MEGF6: variants seen among roughly 807,000 people sequenced by gnomAD.
The protein encoded by MEGF6 is multiple epidermal growth factor-like domains protein 6.
Under a neutral mutation model 207.1 loss-of-function variants are expected in MEGF6, and 184 were observed. The ratio of observed to expected loss-of-function variants is 0.89; its 90% CI spans 0.79 to 1.00. MEGF6 has a LOEUF of 1.00. Ranked by LOEUF, MEGF6 falls within the 50% of genes least tolerant of loss-of-function variation. The probability of loss-of-function intolerance (pLI) is 0.00; values close to 1 mark genes in which losing one functional copy is unlikely to be tolerated. For synonymous variants in MEGF6, 1,038 were observed against 910.0 expected (o/e 1.14, Z -2.53); for missense variants, 2,282 against 2,202.9 (o/e 1.04, Z -0.72).
chr1:3,507,000 G>A (rs1641144017), intron 14 of MEGF6, among the ~76,000 whole-genome samples: 1 of 152,230 alleles, frequency 6.6e-6, no homozygotes, highest in Non-Finnish European at 1.5e-5. Flanking sequence ...CAGCACCCAG[G>A]AATGAATACG....
upstream of MEGF6, among the ~76,000 whole-genome samples, chr1:3,612,024 C>T (rs576056451): frequency 6.6e-5 from 10 of 152,304 alleles, no homozygotes; most frequent in South Asian, 2.1e-3. Flanking sequence ...CCCGTGGACG[C>T]TCCGTCCACC....
rs532518440 is a variant in MEGF6 at position 3,493,745 on chromosome 1, C to T, written c.4387+26G>A. ...ACTGATGGAGACCCACACCCACGCCCTTCCTGGGCAGGACCCCAGACTCAC... is the reference window on the plus strand; with the variant it reads ...ACTGATGGAGACCCACACCCACGCCTTTCCTGGGCAGGACCCCAGACTCAC... On this transcript the variant is annotated intron_variant, in intron 34 of 36. Coordinates refer to ENST00000356575, the MANE Select transcript of MEGF6 (RefSeq NM_001409.4). The T allele has an allele frequency of 8.3e-5, 134 of 1,606,260 alleles. No individual in the cohort carries two copies. In the East Asian group the frequency reaches 2.5e-3, roughly 30 times the overall value.
rs143366201 is a variant in MEGF6 at position 3,488,008 on chromosome 1, C to T, written c.*2520G>A. ...ATTGACAATAATTGTAGATATTCAT[C>T]GGATACACAGTGATGTTTTGATACA... On this transcript the variant is annotated 3_prime_UTR_variant, in exon 37 of 37. Coordinates refer to ENST00000356575, the MANE Select transcript of MEGF6 (RefSeq NM_001409.4). 3.5e-4 allele frequency among the ~76,000 whole-genome samples: 54 copies of T among 152,258 alleles called. 1 individual carries two copies. The highest frequency in any genetic ancestry group is 1.1e-3 in the African/African-American group (46 of 41,528).
Position 3,509,193 on chromosome 1 carries a change from G to T in MEGF6, c.1410C>A (p.Pro470=), listed in dbSNP as rs1191703390. ...CCTGGAGCACGGCAATGTGGGGCAG[G>T]GGCCGCACGAAAGGCAGCTCGCCGT... ...DLDGELPFVR[P]LPHIAVLQDE... Residue 470 remains proline, a synonymous_variant, in exon 12 of 37, where the codon CCC becomes CCA. Coordinates refer to ENST00000356575, the MANE Select transcript of MEGF6 (RefSeq NM_001409.4). 6.4e-7 allele frequency: 1 copy of T among 1,570,802 alleles called. No homozygotes were observed. Among genetic ancestry groups the T allele is most frequent in the East Asian group, 2.4e-5 (1 of 42,222 alleles).
rs1557764891 is a variant in MEGF6, at chr1:3,544,182, C to A, written c.482-19936G>T. 3.3e-5 allele frequency among the ~76,000 whole-genome samples: 5 copies of A among 151,136 alleles called. No homozygotes were observed. The South Asian group carries it at 6.2e-4, about 19-fold the overall frequency. On this transcript the variant is annotated intron_variant, in intron 4 of 36. Coordinates refer to ENST00000356575, the MANE Select transcript of MEGF6 (RefSeq NM_001409.4). Reference sequence around the variant, plus strand: ...AGAGAGACACGGAAGGTCCAAGCATCAGGCTAACCCTCTCCCCCCAGCGTC... The same window carrying A: ...AGAGAGACACGGAAGGTCCAAGCATAAGGCTAACCCTCTCCCCCCAGCGTC...
intron 28 of MEGF6, 80 bp from the exon 29 acceptor site, chr1:3,496,863 T>C: frequency 6.6e-7 from 1 of 1,521,300 alleles, no homozygotes; most frequent in Non-Finnish European, 8.9e-7. Context: ...GCAGCTCTCA[T>C]GAGACCCCCA....
At position 3,501,168 on chromosome 1, in the gene MEGF6, C is replaced by T; in HGVS notation, c.2446+9G>A. 9 of 1,612,536 alleles carry T rather than the reference C, an allele frequency of 5.6e-6. No homozygotes were observed. Among genetic ancestry groups the T allele is most frequent in the Non-Finnish European group, 7.6e-6 (9 of 1,179,874 alleles). ...GTCAAAGGCTCAGGGGCAGCTCCAG[C>T]TCACTCACCGTCCTGGCAGCGGCTG... On this transcript the variant is annotated intron_variant, in intron 19 of 36. Coordinates refer to ENST00000356575, the MANE Select transcript of MEGF6 (RefSeq NM_001409.4).
In MEGF6 at chr1:3,490,495, A is replaced by C. The variant is rs1569909165; in HGVS notation, c.*33T>G. 3.1e-6 allele frequency: 5 copies of C among 1,611,388 alleles called. No individual in the cohort carries two copies. Among genetic ancestry groups the C allele is most frequent in the African/African-American group, 1.3e-5 (1 of 74,956 alleles). ...AAGGCCAGGGTCCCCTCTGGCTGGG[A>C]CTGGAGAGGCGGGCTCCACGGGACT... On this transcript the variant is annotated 3_prime_UTR_variant, in exon 37 of 37. Coordinates refer to ENST00000356575, the MANE Select transcript of MEGF6 (RefSeq NM_001409.4).
chr1:3,503,404 G>A (rs138884583), intron 17 of MEGF6, among the ~76,000 whole-genome samples: 4 of 152,198 alleles, frequency 2.6e-5, no homozygotes, highest in African/African-American at 9.6e-5. Context: ...ATCAACACTC[G>A]GATGTCATCG....
intron 5 of MEGF6, among the ~76,000 whole-genome samples, chr1:3,516,642 C>G (rs1641551175): frequency 6.6e-6 from 1 of 152,210 alleles, no homozygotes; most frequent in Admixed American, 6.5e-5. Flanking sequence ...GGATGGGAAG[C>G]CCGGCACCAT....
intron 4 of MEGF6, among the ~76,000 whole-genome samples, chr1:3,550,292 GTGA>G (rs1557769903): frequency 6.6e-6 from 1 of 152,204 alleles, no homozygotes; most frequent in African/African-American, 2.4e-5. Flanking sequence ...CCACCAGCGG[GTGA>G]TGAAGACAGA....
At chr1:3,563,173 C>A (rs932495283) in intron 4 of MEGF6, among the ~76,000 whole-genome samples, 10 of 152,206 alleles carry the variant, frequency 6.6e-5, no homozygotes, top group Admixed American at 1.3e-4. Context: ...TCACACACAT[C>A]GCACATGCAC....
At chr1:3,575,709 G>A (rs1484661361) in intron 4 of MEGF6, among the ~76,000 whole-genome samples, 1 of 152,202 alleles carries the variant, frequency 6.6e-6, no homozygotes, top group Non-Finnish European at 1.5e-5. Context: ...CAGATCTCAT[G>A]AGACTTATTC....
intron 26 of MEGF6, 26 bp from the exon 27 acceptor site, chr1:3,497,387 G>C: frequency 6.6e-7 from 1 of 1,506,550 alleles, no homozygotes; most frequent in African/African-American, 1.4e-5. Context: ...GGCTGCGGAG[G>C]CTTCTAGGAG....
At chr1:3,587,705 G>T (rs910518904) in intron 3 of MEGF6, among the ~76,000 whole-genome samples, 51 of 152,172 alleles carry the variant, frequency 3.4e-4, no homozygotes, top group African/African-American at 1.2e-3. Flanking sequence ...GCGTGGACCT[G>T]GCTATCTCTG....
chr1:3,505,541 G>T lies in MEGF6; in HGVS notation c.1934C>A (p.Ala645Asp). ...CTCCTCCGAGCAGCCCGGCCCAAAGGCCCACGGCGGGCAGGCTGCACCCAC... is the reference window on the plus strand; with the variant it reads ...CTCCTCCGAGCAGCCCGGCCCAAAGTCCCACGGCGGGCAGGCTGCACCCAC... ...RFCHLTCPPW[A>D]FGPGCSEECQ... The change falls in exon 16 of 37, where the codon GCC becomes GAC. Residue 645 changes from alanine to aspartate, a missense_variant. Ala to Asp is a moderately radical substitution (Grantham distance 126). Transcript: ENST00000356575. 6.3e-7 allele frequency: 1 copy of T among 1,585,778 alleles called. No homozygotes were observed. The highest frequency in any genetic ancestry group is 8.6e-7 in the Non-Finnish European group (1 of 1,168,964).
At chr1:3,494,765 C>T (rs1227778604) in intron 30 of MEGF6, 24 bp from the exon 31 acceptor site, 22 of 1,545,244 alleles carry the variant, frequency 1.4e-5, no homozygotes, top group Non-Finnish European at 1.8e-5. Context: ...GCAGGTGCTG[C>T]CTGGAGCTCT....
chr1:3,611,239 C>G lies in MEGF6; in HGVS notation c.30G>C (p.Ala10=). The stretch of plus-strand genomic sequence containing the variant: ...CCAACGCCAGGACCACCGCGCGCCC[C>G]GCTGCCCTCGCCTCTTCAAGGAACG... MSFLEEARA[A]GRAVVLALVL... is the part of the protein sequence containing the mutation. The change falls in exon 1 of 37, where the codon GCG becomes GCC. Residue 10 remains alanine, a synonymous_variant. Coordinates refer to ENST00000356575, the MANE Select transcript of MEGF6 (RefSeq NM_001409.4). The G allele has an allele frequency of 6.5e-7, 1 of 1,530,244 alleles. No homozygotes were observed. Among genetic ancestry groups the G allele is most frequent in the Non-Finnish European group, 8.7e-7 (1 of 1,149,838 alleles). The allele number at this position is 1,530,244 out of a possible 1,614,324, so 94.8% of individuals were successfully genotyped here.
At chr1:3,590,977 G>A (rs1163037617) in intron 3 of MEGF6, among the ~76,000 whole-genome samples, 1 of 148,260 alleles carries the variant, frequency 6.7e-6, no homozygotes, top group Non-Finnish European at 1.5e-5. Flanking sequence ...CCCTGGCTGG[G>A]CGCGGCCCCA....
Sources: gnomAD v4.1 joint callset for allele counts (sites outside exome capture counted in the v4.1 genomes callset) on GRCh38, gnomAD v4.1.1 for gene constraint, MANE v1.5 for transcripts, NCBI Gene and HGNC (gene_info 2026-07-23, HGNC 2026-07-21) for gene names.